Variants in MIS18BP1 observed in about 807,000 individuals in gnomAD.
The protein encoded by MIS18BP1 is mis18-binding protein 1.
Under a neutral mutation model 116.1 loss-of-function variants are expected in MIS18BP1, and 72 were observed. The observed-to-expected ratio is 0.62, with a 90% confidence interval of 0.51 to 0.75. The LOEUF is 0.75. MIS18BP1 is among the 30% of genes least tolerant of loss of function. The pLI is 0.00. For missense variants in MIS18BP1, 1,363 were observed against 1,303.2 expected (o/e 1.05, Z -0.71); for synonymous variants, 386 against 427.0 (o/e 0.90, Z 1.18).
chr14:45,235,142 G>A (rs1891387394), intron 6 of MIS18BP1, among the ~76,000 whole-genome samples: 2 of 151,614 alleles, frequency 1.3e-5, no homozygotes, highest in African/African-American at 4.9e-5. Flanking sequence ...AGGAGGTGGA[G>A]GTTGCAGTGA....
intron 8 of MIS18BP1, among the ~76,000 whole-genome samples, chr14:45,228,324 T>C (rs1474660317): frequency 3.3e-5 from 5 of 152,218 alleles, no homozygotes; most frequent in Non-Finnish European, 5.9e-5. Context: ...TTAAAAAGCC[T>C]AGACAGCCAT....
At chr14:45,211,826 G>A (rs557212654) in intron 13 of MIS18BP1, among the ~76,000 whole-genome samples, 4 of 152,298 alleles carry the variant, frequency 2.6e-5, no homozygotes, top group East Asian at 3.9e-4. Context: ...CAATAGCCAA[G>A]GTGCCTTTGT....
At chr14:45,219,888 C>A (rs1304280318) in intron 11 of MIS18BP1, among the ~76,000 whole-genome samples, 1 of 152,150 alleles carries the variant, frequency 6.6e-6, no homozygotes, top group South Asian at 2.1e-4. Context: ...GAAATTAGTA[C>A]TTAACACATC....
At position 45,218,346 on chromosome 14, in the gene MIS18BP1, G is replaced by A. The variant is rs778136254; in HGVS notation, c.2778C>T (p.Pro926=). The A allele has an allele frequency of 6.2e-7, 1 of 1,614,010 alleles. No homozygotes were observed. Among genetic ancestry groups the A allele is most frequent in the Non-Finnish European group, 8.5e-7 (1 of 1,180,002 alleles). Reference sequence around the variant, plus strand: ...CATGTTTCTGGGATCCTTTTCCTCTGGGATTTTCCATGTATTTCCTCTGGC... The same window carrying A: ...CATGTTTCTGGGATCCTTTTCCTCTAGGATTTTCCATGTATTTCCTCTGGC... The part of the protein sequence containing the change: ...EECQRKYMEN[P]RGKGSQKHVT... The change falls in exon 12 of 17, where the codon CCC becomes CCT. Residue 926 remains proline, a synonymous_variant. Transcript: ENST00000310806.
chr14:45,247,009 C>T lies in MIS18BP1; in HGVS notation c.278G>A (p.Ser93Asn). 6.2e-7 allele frequency: 1 copy of T among 1,613,248 alleles called. No homozygotes were observed. The highest frequency in any genetic ancestry group is 1.7e-5 in the Admixed American group (1 of 59,956). The change falls in exon 2 of 17, where the codon AGT (serine) becomes AAT (asparagine). Residue 93 changes from serine (S) to asparagine (N), a missense_variant. Transcript: ENST00000310806. ...ATTSNSSLDISAIKPNKDGLK... is the reference protein window; with the variant it reads ...ATTSNSSLDINAIKPNKDGLK... Reference sequence around the variant, plus strand: ...TCCATCCTTGTTGGGCTTTATAGCACTGATATCAAGAGAACTGTTAGAGGT... The same window carrying T: ...TCCATCCTTGTTGGGCTTTATAGCATTGATATCAAGAGAACTGTTAGAGGT...
chr14:45,227,424 T>C (rs1289930015), intron 9 of MIS18BP1, among the ~76,000 whole-genome samples: 2 of 151,518 alleles, frequency 1.3e-5, no homozygotes, highest in African/African-American at 4.9e-5. Flanking sequence ...GGAGAATCAC[T>C]CGAACCCAGG....
At chr14:45,232,919 G>T in intron 6 of MIS18BP1, 99 bp from the exon 7 acceptor site, 1 of 633,784 alleles carries the variant, frequency 1.6e-6, no homozygotes, top group Non-Finnish European at 2.8e-6. Context: ...TGCACCTATT[G>T]CTTAATATGT....
chr14:45,244,029 T>A (rs1308066897), intron 2 of MIS18BP1, among the ~76,000 whole-genome samples: 1 of 152,186 alleles, frequency 6.6e-6, no homozygotes, highest in Non-Finnish European at 1.5e-5. Flanking sequence ...GATGACTTTG[T>A]GAGTCTCCCC....
Position 45,242,113 on chromosome 14 carries a change from C to G in MIS18BP1, c.1064G>C (p.Arg355Pro). ...CTTTGAAATATTTCTTTTTGACCTC[C>G]GAGGTATTGTTATATGAAGTCTTGG... is the stretch of plus-strand genomic sequence containing the variant. ...ATPRLHITIP[R>P]RSKRNISKLS... Residue 355 changes from arginine (R) to proline (P), a missense_variant, in exon 4 of 17, where the codon CGG becomes CCG. By Grantham distance (103) the Arg-to-Pro change is moderately radical. Coordinates refer to ENST00000310806, the MANE Select transcript of MIS18BP1 (RefSeq NM_018353.5). 1.9e-6 allele frequency: 3 copies of G among 1,613,666 alleles called. No individual in the cohort carries two copies. The highest frequency in any genetic ancestry group is 2.5e-6 in the Non-Finnish European group (3 of 1,179,880).
Position 45,204,114 on chromosome 14 carries a change from C to T in MIS18BP1, c.3394G>A (p.Ala1132Thr), listed in dbSNP as rs1380600337. 1.9e-6 allele frequency: 3 copies of T among 1,608,134 alleles called. No homozygotes were observed. Among genetic ancestry groups the T allele is most frequent in the Non-Finnish European group, 2.5e-6 (3 of 1,178,120 alleles). ...KDYYFSNSDS[A>T] ...AATCATATTTTCTCATTTTACTATG[C>T]AGAATCAGAGTTCGAAAAATAATAA... The change falls in exon 17 of 17, where the codon GCA (alanine) becomes ACA (threonine). Residue 1132 changes from alanine (A) to threonine (T), a missense_variant. By Grantham distance (58) the Ala-to-Thr change is moderately conservative (BLOSUM62 0). Coordinates refer to ENST00000310806, the MANE Select transcript of MIS18BP1 (RefSeq NM_018353.5).
At chr14:45,252,621 C>A (rs1183822344) in intron 1 of MIS18BP1, among the ~76,000 whole-genome samples, 1 of 152,144 alleles carries the variant, frequency 6.6e-6, no homozygotes, top group African/African-American at 2.4e-5. Flanking sequence ...ATTTTATTAA[C>A]ATCTAAAGAT....
At chr14:45,223,896 G>T in intron 11 of MIS18BP1, 22 bp downstream of exon 11, 1 of 1,497,514 alleles carries the variant, frequency 6.7e-7, no homozygotes, top group South Asian at 1.3e-5. Flanking sequence ...TAGATATTTC[G>T]GAATGAAATC....
Position 45,235,898 on chromosome 14 carries a change from T to G in MIS18BP1, c.1264A>C (p.Ile422Leu), listed in dbSNP as rs773240020. Reference sequence around the variant, plus strand: ...ATAGTCCTAAGTTTGTTGTGCTCAATCCGCTCTATAATTACATTACTGTGC... The same window carrying G: ...ATAGTCCTAAGTTTGTTGTGCTCAAGCCGCTCTATAATTACATTACTGTGC... ...YWHSNVIIER[I>L]EHNKLRTISG... Residue 422 changes from isoleucine (I) to leucine (L), a missense_variant, in exon 6 of 17, where the codon ATT (isoleucine) becomes CTT (leucine). Ile to Leu is a conservative substitution (Grantham distance 5). Transcript: ENST00000310806. 4 of 1,612,140 alleles carry G rather than the reference T, an allele frequency of 2.5e-6. No homozygotes were observed. The highest frequency in any genetic ancestry group is 3.4e-6 in the Non-Finnish European group (4 of 1,178,938).
intron 7 of MIS18BP1, among the ~76,000 whole-genome samples, chr14:45,232,029 GT>G (rs1891292626): frequency 6.6e-6 from 1 of 152,158 alleles, no homozygotes; most frequent in Non-Finnish European, 1.5e-5. Flanking sequence ...TATGTCAAAA[GT>G]TTTATTTTCC....
intron 4 of MIS18BP1, among the ~76,000 whole-genome samples, chr14:45,240,774 T>C (rs887811685): frequency 6.6e-6 from 1 of 150,726 alleles, no homozygotes. Flanking sequence ...TGGCAGCATG[T>C]GCCTGTAGTC....
At chr14:45,214,097 G>C (rs370215897) in intron 13 of MIS18BP1, among the ~76,000 whole-genome samples, 82 of 152,276 alleles carry the variant, frequency 5.4e-4, no homozygotes, top group African/African-American at 1.6e-3. Context: ...ATATGGCCTC[G>C]TGGGAAGGGA....
rs754372456 is a variant in MIS18BP1 at position 45,218,356 on chromosome 14, A to G, written c.2768T>C (p.Met923Thr). The G allele has an allele frequency of 2.5e-6, 4 of 1,613,970 alleles. No individual in the cohort carries two copies. In the African/African-American group the frequency reaches 5.3e-5, roughly 22 times the overall value. The change falls in exon 12 of 17, where the codon ATG becomes ACG. Residue 923 changes from methionine to threonine, a missense_variant. Coordinates refer to ENST00000310806, the MANE Select transcript of MIS18BP1 (RefSeq NM_018353.5). ...RSPEECQRKYMENPRGKGSQK... is the reference protein window; with the variant it reads ...RSPEECQRKYTENPRGKGSQK... ...GGATCCTTTTCCTCTGGGATTTTCCATGTATTTCCTCTGGCATTCTTCAGG... is the reference window on the plus strand; with the variant it reads ...GGATCCTTTTCCTCTGGGATTTTCCGTGTATTTCCTCTGGCATTCTTCAGG...
At chr14:45,233,041 A>C (rs1033644985) in intron 6 of MIS18BP1, among the ~76,000 whole-genome samples, 9 of 152,226 alleles carry the variant, frequency 5.9e-5, no homozygotes, top group Non-Finnish European at 1.5e-5. Flanking sequence ...ACCAATAAGT[A>C]CAATATCTTG....
chr14:45,213,200 G>A (rs545436006), intron 13 of MIS18BP1, among the ~76,000 whole-genome samples: 6 of 152,198 alleles, frequency 3.9e-5, no homozygotes, highest in South Asian at 2.1e-4. Flanking sequence ...CAGCACACCC[G>A]GCCAGAATTG....
Sources: allele counts gnomAD v4.1 joint callset (sites outside exome capture counted in the v4.1 genomes callset), GRCh38; gene constraint gnomAD v4.1.1; transcripts MANE v1.5; gene names NCBI Gene and HGNC (gene_info 2026-07-23, HGNC 2026-07-21).